LRP1B: variants seen among roughly 807,000 people sequenced by gnomAD.
The protein encoded by LRP1B is low-density lipoprotein receptor-related protein 1B.
Under a neutral mutation model 556.6 loss-of-function variants are expected in LRP1B, and 217 were observed. The observed-to-expected ratio is 0.39, with a 90% CI of 0.35 to 0.44. The LOEUF is 0.44. Among genes scored for constraint, LRP1B ranks in the 20% least tolerant of loss-of-function variants. The pLI is 1.00. For synonymous variants in LRP1B, 2,047 were observed against 1,865.8 expected (o/e 1.10, Z -2.50); for missense variants, 5,053 against 5,620.8 (o/e 0.90, Z 3.23).
chr2:140,315,967 G>A (rs577162193), intron 82 of LRP1B, among the ~76,000 whole-genome samples: 6 of 152,226 alleles, frequency 3.9e-5, no homozygotes, highest in South Asian at 2.1e-4. Context: ...AAATGATTCC[G>A]TAGAGTCTAC....
chr2:141,276,935 C>T (rs1303884238), intron 3 of LRP1B, among the ~76,000 whole-genome samples: 1 of 152,122 alleles, frequency 6.6e-6, no homozygotes, highest in African/African-American at 2.4e-5. Flanking sequence ...GGATTACAGG[C>T]GCGAGACACC....
intron 3 of LRP1B, among the ~76,000 whole-genome samples, chr2:141,439,683 C>A (rs1325464096): frequency 6.6e-6 from 1 of 152,018 alleles, no homozygotes; most frequent in East Asian, 1.9e-4. Flanking sequence ...CTAATTAAGT[C>A]CCTTTTCTGT....
chr2:141,215,108 G>C (rs1183271370), intron 6 of LRP1B, among the ~76,000 whole-genome samples: 1 of 152,114 alleles, frequency 6.6e-6, no homozygotes, highest in Non-Finnish European at 1.5e-5. Context: ...CTTATGGCTT[G>C]GTGCTGTCCT....
At chr2:141,818,221 G>T (rs1224389361) in intron 1 of LRP1B, among the ~76,000 whole-genome samples, 2 of 152,076 alleles carry the variant, frequency 1.3e-5, no homozygotes, top group Non-Finnish European at 2.9e-5. Flanking sequence ...TCTTGTAGAG[G>T]CCTACAGAAA....
chr2:140,760,445 C>T (rs1000798526), intron 35 of LRP1B, among the ~76,000 whole-genome samples: 1 of 152,172 alleles, frequency 6.6e-6, no homozygotes, highest in African/African-American at 2.4e-5. Flanking sequence ...ACTTGATAAA[C>T]AATCGTAGAT....
intron 66 of LRP1B, among the ~76,000 whole-genome samples, chr2:140,390,775 CACACA>C (rs1558849517): frequency 1.4e-5 from 1 of 72,092 alleles, no homozygotes; most frequent in Non-Finnish European, 4.2e-5. Context: ...ACTTCACACA[CACACA>C]CACACACACA....
At chr2:141,976,257 A>T (rs1701883873) in intron 1 of LRP1B, among the ~76,000 whole-genome samples, 1 of 152,184 alleles carries the variant, frequency 6.6e-6, no homozygotes, top group South Asian at 2.1e-4. Context: ...AAAACTAAAG[A>T]ACATCAAATT....
chr2:141,507,057 G>T (rs1179107569), intron 2 of LRP1B, among the ~76,000 whole-genome samples: 1 of 152,102 alleles, frequency 6.6e-6, no homozygotes, highest in Non-Finnish European at 1.5e-5. Flanking sequence ...TCAAATGGTT[G>T]TATGTTCATC....
Position 141,019,972 on chromosome 2 carries a change from TAA to T in LRP1B, c.1918_1919del (p.Leu640ArgfsTer3), listed in dbSNP as rs771742807. 1 of 1,611,906 alleles carries T rather than the reference TAA, an allele frequency of 6.2e-7. No individual in the cohort carries two copies. The highest frequency in any genetic ancestry group is 8.5e-7 in the Non-Finnish European group (1 of 1,178,630). On this transcript the variant is annotated frameshift_variant, in exon 12 of 91. Coordinates refer to ENST00000389484, the MANE Select transcript of LRP1B (RefSeq NM_018557.3). LOFTEE classifies it high-confidence loss of function. Reference protein sequence around the residue: ...EKASQSRKTLLEGEMSHPRGI... With the variant: ...EKASQSRKTLXEGEMSHPRGI... ...CTCTGGGATGAGACATTTCACCCTCTAAAAGAGTCTTCCGACTCTGAGAAGCT... is the reference window on the plus strand; with the variant it reads ...CTCTGGGATGAGACATTTCACCCTCTAAGAGTCTTCCGACTCTGAGAAGCT...
chr2:141,895,352 CA>C (rs1220627540), intron 1 of LRP1B, among the ~76,000 whole-genome samples: 3 of 152,058 alleles, frequency 2.0e-5, no homozygotes, highest in African/African-American at 7.2e-5. Context: ...GCCATAGACA[CA>C]AAACCCCTGT....
chr2:141,861,720 A>G (rs1366840090), intron 1 of LRP1B, among the ~76,000 whole-genome samples: 1 of 152,190 alleles, frequency 6.6e-6, no homozygotes, highest in Non-Finnish European at 1.5e-5. Flanking sequence ...ACCTGAGGTC[A>G]GGGGTTTGAG....
chr2:141,241,422 A>G (rs1683873512), intron 5 of LRP1B, among the ~76,000 whole-genome samples: 1 of 151,992 alleles, frequency 6.6e-6, no homozygotes, highest in Non-Finnish European at 1.5e-5. Flanking sequence ...TTGTATGTTT[A>G]TTTGAGAGGG....
chr2:141,434,732 A>G (rs1255758050), intron 3 of LRP1B, among the ~76,000 whole-genome samples: 1 of 143,340 alleles, frequency 7.0e-6, no homozygotes, highest in East Asian at 2.2e-4. Flanking sequence ...TACGAATCCT[A>G]GCTGGTGGTA....
chr2:141,974,849 G>A (rs1368754041), intron 1 of LRP1B, among the ~76,000 whole-genome samples: 2 of 152,074 alleles, frequency 1.3e-5, no homozygotes, highest in South Asian at 2.1e-4. Flanking sequence ...AGTATCACTA[G>A]AGTGAAGATT....
At position 140,480,629 on chromosome 2, in the gene LRP1B, T is replaced by TG. The variant is rs564484327; in HGVS notation, c.9425+4713dup. ...CTAACTTTTGTATTTTTAGTAGAGA[T>TG]GGGGTTTCACCATGTTGACCAGGCT... On this transcript the variant is annotated intron_variant, in intron 59 of 90. Coordinates refer to ENST00000389484, the MANE Select transcript of LRP1B (RefSeq NM_018557.3). 9.9e-3 allele frequency among the ~76,000 whole-genome samples: 1,504 copies of TG among 151,170 alleles called. 7 individuals are homozygous for TG. The highest frequency in any genetic ancestry group is 0.016 in the Non-Finnish European group (1,086 of 67,664).
chr2:140,333,015 A>C (rs1279587836), intron 79 of LRP1B, among the ~76,000 whole-genome samples: 2 of 152,130 alleles, frequency 1.3e-5, no homozygotes, highest in African/African-American at 2.4e-5. Context: ...AAGCTAGAAT[A>C]GAATCCAGTT....
At chr2:140,766,844 T>A (rs201275700) in intron 35 of LRP1B, among the ~76,000 whole-genome samples, 2 of 54,936 alleles carry the variant, frequency 3.6e-5, no homozygotes, top group African/African-American at 6.0e-5. Flanking sequence ...TATATATATA[T>A]TATATATATA....
chr2:140,405,079 A>G (rs1209012557), intron 66 of LRP1B, among the ~76,000 whole-genome samples: 2 of 152,228 alleles, frequency 1.3e-5, no homozygotes, highest in African/African-American at 4.8e-5. Flanking sequence ...AGGAACCCTC[A>G]AAACTATACA....
rs534065458 is a variant in LRP1B, at chr2:141,490,403, T to C, written c.206-9870A>G. On this transcript the variant is annotated intron_variant, in intron 2 of 90. Transcript: ENST00000389484. ...TGTGTGTGTGTGTGTGTGTGTGTTT[T>C]CTGCTAACTTTAGAATATATCAAGT... Among the ~76,000 whole-genome samples the C allele has an allele frequency of 1.5e-3, 136 of 92,570 alleles. 1 individual carries two copies. The highest frequency in any genetic ancestry group is 6.6e-4 in the Non-Finnish European group (26 of 39,376). The allele number at this position is 92,570 out of a possible 152,430, so 60.7% of individuals were successfully genotyped here. A position where few individuals can be genotyped will look rare whatever the true frequency, so the allele number is the denominator to read the frequency against.
Sources: allele counts gnomAD v4.1 joint callset (sites outside exome capture counted in the v4.1 genomes callset), GRCh38; gene constraint gnomAD v4.1.1; transcripts MANE v1.5; gene names NCBI Gene and HGNC (gene_info 2026-07-23, HGNC 2026-07-21).